Variants in PRDM16 observed in about 807,000 individuals in gnomAD.
PRDM16 encodes the protein histone-lysine N-methyltransferase PRDM16.
In PRDM16, 23 loss-of-function variants were observed where a neutral mutation model predicts 110.6. The observed-to-expected ratio is 0.21, with a 90% CI of 0.15 to 0.29. The LOEUF (loss-of-function observed/expected upper bound fraction) is 0.29. Ranked by LOEUF, PRDM16 falls within the 10% of genes least tolerant of loss-of-function variation. The pLI, the probability that PRDM16 is intolerant of heterozygous loss-of-function variation, is 1.00. For missense variants in PRDM16, 1,615 were observed against 1,794.3 expected, an observed-to-expected ratio of 0.90 and a Z score of 1.81; for synonymous variants, 799 against 781.8, an observed-to-expected ratio of 1.02 and a Z score of -0.37.
Position 3,245,479 on chromosome 1 carries a change from G to A in PRDM16, c.438+1342G>A, listed in dbSNP as rs74048402. 0.037 allele frequency among the ~76,000 whole-genome samples: 5,688 copies of A among 152,176 alleles called. 230 individuals are homozygous for A. Among genetic ancestry groups the A allele is most frequent in the African/African-American group, 0.1 (4,263 of 41,472 alleles). ...GGCAATGGAGACTTTTGCTGGGCCC[G>A]CAGTGACCCGCTGAAGGGCCTCCGG... On this transcript the variant is annotated intron_variant, in intron 3 of 16. Coordinates refer to ENST00000270722, the MANE Select transcript of PRDM16 (RefSeq NM_022114.4). This position sits in a 1 kb window ranked among gnomAD's most constrained non-coding sequence, Gnocchi z 4.7.
At chr1:3,355,094 G>C (rs974733423) in intron 3 of PRDM16, among the ~76,000 whole-genome samples, 2 of 152,132 alleles carry the variant, frequency 1.3e-5, no homozygotes, top group Non-Finnish European at 2.9e-5. Context: ...ACCGATACCA[G>C]GCCTCTCGCC....
chr1:3,344,068 G>A (rs758981237), intron 3 of PRDM16, among the ~76,000 whole-genome samples: 4 of 152,182 alleles, frequency 2.6e-5, no homozygotes, highest in Non-Finnish European at 5.9e-5. Context: ...TGGGTGTGGT[G>A]GCTCATGCTG....
intron 2 of PRDM16, among the ~76,000 whole-genome samples, chr1:3,192,379 G>A (rs1372531240): frequency 6.6e-6 from 1 of 152,206 alleles, no homozygotes; most frequent in Non-Finnish European, 1.5e-5. Context: ...CCAGGCTCTG[G>A]ATTAATGACC....
At chr1:3,075,368 T>TA (rs1300495598) in intron 1 of PRDM16, among the ~76,000 whole-genome samples, 1 of 152,212 alleles carries the variant, frequency 6.6e-6, no homozygotes, top group Admixed American at 6.5e-5. Flanking sequence ...TTTATTTTAA[T>TA]AAAAAAATAA....
intron 2 of PRDM16, among the ~76,000 whole-genome samples, chr1:3,237,549 G>A (rs928926231): frequency 8.5e-5 from 13 of 152,338 alleles, no homozygotes; most frequent in Non-Finnish European, 1.6e-4. Context: ...GGCACTCTCC[G>A]TGGGGCAGTG....
chr1:3,192,721 G>A (rs1053436110), intron 2 of PRDM16, among the ~76,000 whole-genome samples: 9 of 152,200 alleles, frequency 5.9e-5, no homozygotes, highest in Admixed American at 1.3e-4. Flanking sequence ...AGGGATTGTC[G>A]AGGCTCCTGG....
rs1296197392 is a variant in PRDM16 at position 3,426,155 on chromosome 1, T to G, written c.3214T>G (p.Tyr1072Asp). 2 of 1,613,872 alleles carry G rather than the reference T, an allele frequency of 1.2e-6. No homozygotes were observed. The highest frequency in any genetic ancestry group is 4.5e-5 in the East Asian group (2 of 44,850). ...ACTTTTAGACGAGAAAGAAGACTCT[T>G]ATTTCTCGGAAATCAGAAACTTTAT... ...HALLDEKEDS[Y>D]FSEIRNFIAN... Residue 1072 changes from tyrosine (Y) to aspartate (D), a missense_variant, in exon 14 of 17, where the codon TAT (tyrosine) becomes GAT (aspartate). By Grantham distance (160) the Tyr-to-Asp change is radical. Coordinates refer to ENST00000270722, the MANE Select transcript of PRDM16 (RefSeq NM_022114.4).
At chr1:3,364,119 G>A (rs1486917035) in intron 3 of PRDM16, among the ~76,000 whole-genome samples, 5 of 152,160 alleles carry the variant, frequency 3.3e-5, no homozygotes, top group African/African-American at 4.8e-5. Flanking sequence ...GTCCTGCTAC[G>A]CAGCCTCAGT....
rs1255027336 is a variant in PRDM16 at position 3,438,090 on chromosome 1, A to G, written c.*4279A>G. The G allele has an allele frequency of 4.8e-6, 1 of 208,152 alleles. No homozygotes were observed. The highest frequency in any genetic ancestry group is 9.8e-6 in the Non-Finnish European group (1 of 102,206). The allele number at this position is 208,152 out of a possible 1,614,324, so 12.9% of individuals were successfully genotyped here. A position where few individuals can be genotyped will look rare whatever the true frequency, so the allele number is the denominator to read the frequency against. On this transcript the variant is annotated 3_prime_UTR_variant, in exon 17 of 17. Transcript: ENST00000270722. ...GTATTGAAAAAGAAATCAAATGTAAATGTCTGGTTTTCATATAATGTTTAA... is the reference window on the plus strand; with the variant it reads ...GTATTGAAAAAGAAATCAAATGTAAGTGTCTGGTTTTCATATAATGTTTAA...
chr1:3,103,332 A>C (rs1174451406), intron 1 of PRDM16, among the ~76,000 whole-genome samples: 1 of 151,962 alleles, frequency 6.6e-6, no homozygotes, highest in Non-Finnish European at 1.5e-5. Flanking sequence ...CTGCATCCTC[A>C]TCTTCTAAGG....
At chr1:3,111,466 T>TGGGGAGGAGGAGGGAGGCGGGGGAGGAGG (rs149780091) in intron 1 of PRDM16, among the ~76,000 whole-genome samples, 1 of 105,862 alleles carries the variant, frequency 9.4e-6, no homozygotes, top group African/African-American at 3.8e-5. Flanking sequence ...CGGACTCCTG[T>TGGGGAGGAGGAGGGAGGCGGGGGAGGAGG]GGGGAGGAGG....
Position 3,206,404 on chromosome 1 carries a change from G to A in PRDM16, c.387+19930G>A, listed in dbSNP as rs1165314333. On this transcript the variant is annotated intron_variant, in intron 2 of 16. Coordinates refer to ENST00000270722, the MANE Select transcript of PRDM16 (RefSeq NM_022114.4). The surrounding 1 kb of genome is among the most constrained non-coding windows in gnomAD (Gnocchi z 4.9). Reference sequence around the variant, plus strand: ...TCCCGAAAGCGTGTCTGGTGCAGAAGGCGTGACCTCCAGGCAGCTCCGAGA... The same window carrying A: ...TCCCGAAAGCGTGTCTGGTGCAGAAAGCGTGACCTCCAGGCAGCTCCGAGA... The A allele has an allele frequency of 6.6e-6, 1 of 152,344 alleles. No homozygotes were observed. Among genetic ancestry groups the A allele is most frequent in the Non-Finnish European group, 1.5e-5 (1 of 68,122 alleles). 9.4% of individuals were successfully genotyped at this position (152,344 alleles called of 1,614,324 possible).
intron 3 of PRDM16, among the ~76,000 whole-genome samples, chr1:3,335,867 T>C (rs1260619707): frequency 1.3e-5 from 2 of 152,176 alleles, no homozygotes; most frequent in African/African-American, 4.8e-5. Context: ...TGCCCCATGC[T>C]CCTGCACTGA....
intron 3 of PRDM16, among the ~76,000 whole-genome samples, chr1:3,270,799 G>A (rs530020271): frequency 1.3e-5 from 2 of 149,418 alleles, no homozygotes; most frequent in Admixed American, 6.6e-5. Flanking sequence ...GAGGAGAGTC[G>A]GGAGGAGGAC....
chr1:3,125,003 G>A (rs904522992), intron 1 of PRDM16, among the ~76,000 whole-genome samples: 3 of 152,230 alleles, frequency 2.0e-5, no homozygotes, highest in Non-Finnish European at 2.9e-5. Flanking sequence ...TGTCAGCTCC[G>A]CAGGAGCCCC....
intron 1 of PRDM16, among the ~76,000 whole-genome samples, chr1:3,096,841 G>A (rs930081485): frequency 6.6e-6 from 1 of 152,186 alleles, no homozygotes; most frequent in Non-Finnish European, 1.5e-5. Context: ...ACGGGAGTCT[G>A]GGCGGCTTCT....
chr1:3,352,833 A>G (rs1642520478), intron 3 of PRDM16, among the ~76,000 whole-genome samples: 2 of 151,682 alleles, frequency 1.3e-5, no homozygotes, highest in African/African-American at 2.4e-5. Flanking sequence ...GCCGCCTCCA[A>G]GGCCTCTGCC....
At chr1:3,114,203 GCA>G (rs59196246) in intron 1 of PRDM16, among the ~76,000 whole-genome samples, 1,338 of 117,644 alleles carry the variant, frequency 0.011, 26 homozygotes, top group African/African-American at 0.042. Flanking sequence ...GCACACGCAC[GCA>G]CACACGCACA....
chr1:3,144,223 G>A (rs1298045702), intron 1 of PRDM16, among the ~76,000 whole-genome samples: 1 of 152,146 alleles, frequency 6.6e-6, no homozygotes, highest in Non-Finnish European at 1.5e-5. Flanking sequence ...CACTGCCCTG[G>A]ATGGGGGCCC....
Sources: gnomAD v4.1 joint callset for allele counts (sites outside exome capture counted in the v4.1 genomes callset) on GRCh38, gnomAD v4.1.1 for gene constraint, Gnocchi (gnomAD v3.1) non-coding constraint, MANE v1.5 for transcripts, NCBI Gene and HGNC (gene_info 2026-07-23, HGNC 2026-07-21) for gene names.